ADGRB3: variants seen among roughly 807,000 people sequenced by gnomAD.
The protein encoded by ADGRB3 is adhesion G protein-coupled receptor B3, also known as brain-specific angiogenesis inhibitor 3.
A neutral mutation model predicts 193.4 loss-of-function variants in ADGRB3; 37 were observed. That is an observed-to-expected ratio of 0.19 (90% CI 0.15 to 0.25). The LOEUF (loss-of-function observed/expected upper bound fraction) is 0.25, where lower values mean the gene tolerates loss of function less well. Ranked by LOEUF, ADGRB3 falls within the 10% of genes least tolerant of loss-of-function variation. ADGRB3 has a pLI of 1.00. For synonymous variants in ADGRB3, 690 were observed against 644.2 expected, an observed-to-expected ratio of 1.07 and a Z score of -1.08; for missense variants, 1,637 against 1,852.9, an observed-to-expected ratio of 0.88 and a Z score of 2.14.
At chr6:68,688,471 G>C (rs570055792) in intron 3 of ADGRB3, among the ~76,000 whole-genome samples, 1 of 152,142 alleles carries the variant, frequency 6.6e-6, no homozygotes, top group Middle Eastern at 3.4e-3. Context: ...CAAGCATCTA[G>C]AGAAGATTCT....
At chr6:69,173,232 T>G (rs1041742581) in intron 17 of ADGRB3, among the ~76,000 whole-genome samples, 3 of 152,172 alleles carry the variant, frequency 2.0e-5, no homozygotes, top group African/African-American at 7.2e-5. Flanking sequence ...GAGATGGGGT[T>G]TCACCATGTT....
intron 2 of ADGRB3, among the ~76,000 whole-genome samples, chr6:68,638,240 G>A (rs891297986): frequency 6.6e-6 from 1 of 152,196 alleles, no homozygotes. Context: ...AGTGTTTACC[G>A]CAGAGGACAG....
At chr6:69,293,299 G>A (rs1767733347) in intron 20 of ADGRB3, among the ~76,000 whole-genome samples, 1 of 152,054 alleles carries the variant, frequency 6.6e-6, no homozygotes, top group Non-Finnish European at 1.5e-5. Context: ...ACTTATTAAG[G>A]AGTGGAGGGG....
At chr6:68,729,184 T>A (rs1289174353) in intron 3 of ADGRB3, among the ~76,000 whole-genome samples, 1 of 151,638 alleles carries the variant, frequency 6.6e-6, no homozygotes, top group Non-Finnish European at 1.5e-5. Context: ...CTGTTGCCCT[T>A]CTCTGGGCTG....
chr6:69,286,182 A>AT (rs944280801), intron 20 of ADGRB3, among the ~76,000 whole-genome samples: 41 of 151,184 alleles, frequency 2.7e-4, no homozygotes, highest in South Asian at 8.4e-4. Context: ...ATTCTTAATT[A>AT]TTTTTTTTTC....
At chr6:69,001,349 A>G (rs952261821) in intron 11 of ADGRB3, among the ~76,000 whole-genome samples, 2 of 152,238 alleles carry the variant, frequency 1.3e-5, no homozygotes, top group African/African-American at 2.4e-5. Flanking sequence ...AATAGGGTGC[A>G]TGGTGGAAAA....
intron 11 of ADGRB3, among the ~76,000 whole-genome samples, chr6:69,011,516 C>A (rs933777132): frequency 5.9e-5 from 9 of 151,810 alleles, no homozygotes; most frequent in African/African-American, 2.2e-4. Flanking sequence ...AGCTACAAAC[C>A]TAACTACTGG....
At chr6:68,816,618 A>T (rs1264996990) in intron 3 of ADGRB3, among the ~76,000 whole-genome samples, 3 of 152,054 alleles carry the variant, frequency 2.0e-5, no homozygotes, top group African/African-American at 7.2e-5. Flanking sequence ...ACTTTGCCTT[A>T]AAATTATTAA....
intron 17 of ADGRB3, among the ~76,000 whole-genome samples, chr6:69,222,228 A>G (rs933194951): frequency 2.0e-5 from 3 of 152,168 alleles, no homozygotes; most frequent in Admixed American, 6.6e-5. Context: ...TGTACATGTG[A>G]TCATCGTGAT....
intron 3 of ADGRB3, among the ~76,000 whole-genome samples, chr6:68,845,598 G>A (rs186403116): frequency 6.6e-6 from 1 of 152,158 alleles, no homozygotes; most frequent in Admixed American, 6.5e-5. Context: ...TGCTATTCTT[G>A]TGATAGTGAA....
chr6:69,040,303 CTGTCTCTT>C (rs1252987697), intron 13 of ADGRB3, among the ~76,000 whole-genome samples: 4 of 119,336 alleles, frequency 3.4e-5, no homozygotes, highest in African/African-American at 1.3e-4. Context: ...CTTCCTTTCT[CTGTCTCTT>C]TCTTTCTTTC....
At chr6:68,833,565 A>ATACTTTTTTTTTTTTTTTT (rs1767992280) in intron 3 of ADGRB3, among the ~76,000 whole-genome samples, 1 of 149,938 alleles carries the variant, frequency 6.7e-6, no homozygotes, top group Admixed American at 6.8e-5. Context: ...CTGGATAAGT[A>ATACTTTTTTTTTTTTTTTT]TTCTTATATT....
intron 3 of ADGRB3, among the ~76,000 whole-genome samples, chr6:68,661,576 T>C (rs1768661406): frequency 7.2e-6 from 1 of 138,326 alleles, no homozygotes; most frequent in Non-Finnish European, 1.6e-5. Context: ...TATATAGTTA[T>C]GACCTATGGC....
chr6:68,641,771 A>G (rs558215774), intron 3 of ADGRB3, among the ~76,000 whole-genome samples: 6 of 152,236 alleles, frequency 3.9e-5, no homozygotes, highest in African/African-American at 1.4e-4. Context: ...GCTAGGCTAC[A>G]TTGTAGGAAA....
At chr6:69,146,821 C>CTTT (rs756561473) in intron 17 of ADGRB3, among the ~76,000 whole-genome samples, 151 of 103,096 alleles carry the variant, frequency 1.5e-3, no homozygotes, top group African/African-American at 3.4e-3. Flanking sequence ...CTCATTACTT[C>CTTT]TTTTTTTTTT....
chr6:68,676,408 A>G (rs1040077315), intron 3 of ADGRB3, among the ~76,000 whole-genome samples: 35 of 149,406 alleles, frequency 2.3e-4, no homozygotes, highest in African/African-American at 6.9e-4. Context: ...AAAAAAAAAA[A>G]AAAGAAAAGG....
intron 15 of ADGRB3, among the ~76,000 whole-genome samples, chr6:69,052,646 T>C (rs1771432846): frequency 6.6e-6 from 1 of 152,196 alleles, no homozygotes; most frequent in Non-Finnish European, 1.5e-5. Context: ...AAGACAAAAA[T>C]AATTTTGCAT....
At chr6:69,289,039 A>T (rs1467102214) in intron 20 of ADGRB3, among the ~76,000 whole-genome samples, 1 of 152,194 alleles carries the variant, frequency 6.6e-6, no homozygotes, top group Non-Finnish European at 1.5e-5. Flanking sequence ...AAGATAGCTA[A>T]TGAAATAATT....
intron 3 of ADGRB3, among the ~76,000 whole-genome samples, chr6:68,836,913 T>C (rs1768056943): frequency 6.6e-6 from 1 of 152,206 alleles, no homozygotes; most frequent in South Asian, 2.1e-4. Flanking sequence ...TTCATTTGTA[T>C]TTGATAATGA....
Sources: gnomAD v4.1 joint callset for allele counts (sites outside exome capture counted in the v4.1 genomes callset) on GRCh38, gnomAD v4.1.1 for gene constraint, MANE v1.5 for transcripts, NCBI Gene and HGNC (gene_info 2026-07-23, HGNC 2026-07-21) for gene names.